The following PDE9A variants were observed in gnomAD, a reference collection of about 807,000 sequenced individuals.
PDE9A encodes the protein phosphodiesterase 9A.
In PDE9A, 60 loss-of-function variants were observed where a neutral mutation model predicts 87.4. The observed-to-expected ratio is 0.69, with a 90% confidence interval of 0.56 to 0.85. The LOEUF (loss-of-function observed/expected upper bound fraction) is 0.85, where lower values mean the gene tolerates loss of function less well. Among genes scored for constraint, PDE9A ranks in the 40% least tolerant of loss-of-function variants. PDE9A has a pLI of 0.00. For missense variants in PDE9A, 665 were observed against 779.0 expected (o/e 0.85, Z 1.74); for synonymous variants, 272 against 279.4 (o/e 0.97, Z 0.27).
chr21:42,767,490 C>T (rs564088490), intron 15 of PDE9A, among the ~76,000 whole-genome samples: 24 of 151,118 alleles, frequency 1.6e-4, no homozygotes, highest in Admixed American at 5.2e-4. Context: ...GAGGTCCTGC[C>T]GAGGTTGGAA....
At chr21:42,703,112 C>T (rs1023139413) in intron 4 of PDE9A, among the ~76,000 whole-genome samples, 1 of 152,176 alleles carries the variant, frequency 6.6e-6, no homozygotes, top group African/African-American at 2.4e-5. Context: ...CAAGCTTTTT[C>T]CTAAGTGGAA....
In PDE9A at chr21:42,686,260, T is replaced by G; in HGVS notation, c.138T>G (p.Pro46=). The G allele has an allele frequency of 3.1e-6, 5 of 1,612,332 alleles. No individual in the cohort carries two copies. The highest frequency in any genetic ancestry group is 4.2e-6 in the Non-Finnish European group (5 of 1,178,464). ...MDLFCIATGL[P]RNTTISLLTT... ...TGTTCTGCATCGCCACCGGCCTGCC[T>G]CGGTGAGTGCGCGCTGCGGGCTCTG... The change falls in exon 2 of 20, where the codon CCT becomes CCG. Residue 46 remains proline, a splice_region_variant and synonymous_variant. Coordinates refer to ENST00000291539, the MANE Select transcript of PDE9A (RefSeq NM_002606.3).
chr21:42,717,293 C>G (rs1768810000), intron 4 of PDE9A, among the ~76,000 whole-genome samples: 1 of 119,472 alleles, frequency 8.4e-6, no homozygotes. Flanking sequence ...TTGGAACATG[C>G]CTTTTTTTTT....
chr21:42,693,915 A>T (rs1054409271), intron 3 of PDE9A, among the ~76,000 whole-genome samples: 1 of 151,896 alleles, frequency 6.6e-6, no homozygotes, highest in Non-Finnish European at 1.5e-5. Flanking sequence ...TTTAAAAGGT[A>T]CCAGTTGATG....
At position 42,683,399 on chromosome 21, in the gene PDE9A, C is replaced by T. The variant is rs750589993; in HGVS notation, c.70-2793C>T. Among the ~76,000 whole-genome samples the T allele has an allele frequency of 2.2e-4, 34 of 152,232 alleles. 1 individual carries two copies. The highest frequency in any genetic ancestry group is 2.9e-4 in the Non-Finnish European group (20 of 68,044). On this transcript the variant is annotated intron_variant, in intron 1 of 19. Transcript: ENST00000291539. ...TGAATCACGAGCTCTGGCCTCCAGC[C>T]TGGTGCAGAACCTTCCAGGGGGCAT...
At chr21:42,717,145 T>C (rs1461302498) in intron 4 of PDE9A, among the ~76,000 whole-genome samples, 2 of 151,650 alleles carry the variant, frequency 1.3e-5, no homozygotes, top group Admixed American at 1.3e-4. Flanking sequence ...TGCCTATATA[T>C]TTGCCATTTC....
At chr21:42,700,425 A>G (rs1476150316) in intron 4 of PDE9A, among the ~76,000 whole-genome samples, 4 of 152,226 alleles carry the variant, frequency 2.6e-5, no homozygotes, top group Non-Finnish European at 4.4e-5. Context: ...AGTTAAACAT[A>G]TACTTAACCG....
chr21:42,708,195 G>A lies in PDE9A; in HGVS notation c.262+9184G>A, dbSNP rs530164649. Among the ~76,000 whole-genome samples the A allele has an allele frequency of 2.0e-5, 3 of 152,312 alleles. No individual in the cohort carries two copies. The East Asian group carries it at 5.8e-4, about 29-fold the overall frequency. ...TTTTTTGAAACAAAAAGACTGCAGT[G>A]TATAAATGAAAAATAACCATTTCTG... On this transcript the variant is annotated intron_variant, in intron 4 of 19. Coordinates refer to ENST00000291539, the MANE Select transcript of PDE9A (RefSeq NM_002606.3).
intron 4 of PDE9A, among the ~76,000 whole-genome samples, chr21:42,713,796 A>G (rs990837091): frequency 6.6e-5 from 10 of 152,082 alleles, no homozygotes; most frequent in Admixed American, 4.6e-4. Context: ...GTGTATGTTA[A>G]TTCACTTGAT....
At chr21:42,762,281 T>A (rs2147116965) in intron 14 of PDE9A, 42 bp downstream of exon 14, 2 of 1,594,692 alleles carry the variant, frequency 1.3e-6, no homozygotes, top group South Asian at 2.3e-5. Context: ...GGGGGCACAT[T>A]CAGGGACAGA....
chr21:42,662,840 ACAC>A lies in PDE9A; in HGVS notation c.69+8961_69+8963del, dbSNP rs571776902. ...GCACACACACGCACACACCCACCAC[ACAC>A]CACACACATGCACATCACACACGTA... is the stretch of plus-strand genomic sequence containing the variant. On this transcript the variant is annotated intron_variant, in intron 1 of 19. Coordinates refer to ENST00000291539, the MANE Select transcript of PDE9A (RefSeq NM_002606.3). 2.2e-3 allele frequency among the ~76,000 whole-genome samples: 278 copies of A among 127,830 alleles called. 2 individuals carry two copies. The highest frequency in any genetic ancestry group is 0.01 in the African/African-American group (267 of 25,998). The allele number at this position is 127,830 out of a possible 152,430, so 83.9% of individuals were successfully genotyped here. A position where few individuals can be genotyped will look rare whatever the true frequency, so the allele number is the denominator to read the frequency against.
In PDE9A at chr21:42,775,425, T is replaced by G; in HGVS notation, c.*132T>G. 1 of 549,692 alleles carries G rather than the reference T, an allele frequency of 1.8e-6. No individual in the cohort carries two copies. The highest frequency in any genetic ancestry group is 3.0e-6 in the Non-Finnish European group (1 of 332,484). The allele number at this position is 549,692 out of a possible 1,614,324, so 34.1% of individuals were successfully genotyped here. ...TTCTAAGAACCATTTTGTTCACTGA[T>G]ACAAAAAAAAAAAAAGGAATTCATG... On this transcript the variant is annotated 3_prime_UTR_variant, in exon 20 of 20. Transcript: ENST00000291539.
intron 1 of PDE9A, among the ~76,000 whole-genome samples, chr21:42,656,621 A>C (rs1284657118): frequency 6.6e-6 from 1 of 152,116 alleles, no homozygotes; most frequent in Admixed American, 6.5e-5. Flanking sequence ...TATGAAGAAA[A>C]CTCCAGACAC....
At chr21:42,764,542 G>A (rs977912372) in intron 14 of PDE9A, among the ~76,000 whole-genome samples, 9 of 152,148 alleles carry the variant, frequency 5.9e-5, no homozygotes, top group South Asian at 2.1e-4. Context: ...GAGCCATGTC[G>A]GAGAGCATCC....
chr21:42,718,571 GT>G (rs942190082), intron 4 of PDE9A, among the ~76,000 whole-genome samples: 37 of 150,816 alleles, frequency 2.5e-4, no homozygotes, highest in African/African-American at 6.6e-4. Context: ...GATCCATGAA[GT>G]TTTTTTTTGT....
chr21:42,753,252 C>T (rs150025500), intron 9 of PDE9A, among the ~76,000 whole-genome samples: 136 of 152,206 alleles, frequency 8.9e-4, no homozygotes, highest in Non-Finnish European at 1.5e-3. Context: ...GTGATCCGCT[C>T]GCCTCGGCTT....
intron 1 of PDE9A, among the ~76,000 whole-genome samples, chr21:42,673,180 A>G (rs576729324): frequency 6.6e-6 from 1 of 152,280 alleles, no homozygotes; most frequent in Non-Finnish European, 1.5e-5. Context: ...AAGTTAAGAA[A>G]TCTTCCCTGG....
rs147679625 is a variant in PDE9A, at chr21:42,728,829, G to A, written c.263-2941G>A. Among the ~76,000 whole-genome samples the A allele has an allele frequency of 2.0e-3, 311 of 151,894 alleles. 1 individual carries two copies. Among genetic ancestry groups the A allele is most frequent in the African/African-American group, 7.1e-3 (293 of 41,434 alleles). ...AGCCTGGCTAACATGCTAAAACCCCGGCTCTACTAAAAATACAAAAAATTA... is the reference window on the plus strand; with the variant it reads ...AGCCTGGCTAACATGCTAAAACCCCAGCTCTACTAAAAATACAAAAAATTA... On this transcript the variant is annotated intron_variant, in intron 4 of 19. Transcript: ENST00000291539.
rs908730013 is a variant in PDE9A at position 42,654,264 on chromosome 21, G to C, written c.69+381G>C. Among the ~76,000 whole-genome samples the C allele has an allele frequency of 3.3e-5, 5 of 152,256 alleles. No individual in the cohort carries two copies. The South Asian group carries it at 1.0e-3, about 32-fold the overall frequency. The stretch of plus-strand genomic sequence containing the variant: ...GGGCGAGCAGCCGCCGCTTCCTGTC[G>C]CGCGGGGGCAGGTGCGGGGGGCGCC... On this transcript the variant is annotated intron_variant, in intron 1 of 19. Transcript: ENST00000291539.
Sources: allele counts gnomAD v4.1 joint callset (sites outside exome capture counted in the v4.1 genomes callset), GRCh38; gene constraint gnomAD v4.1.1; transcripts MANE v1.5; gene names NCBI Gene and HGNC (gene_info 2026-07-23, HGNC 2026-07-21).